HSDL1: variants seen among roughly 807,000 people sequenced by gnomAD.
HSDL1 encodes the protein inactive hydroxysteroid dehydrogenase-like protein 1.
HSDL1 carries 29 observed loss-of-function variants against 31.5 expected under a neutral mutation model. The observed-to-expected ratio is 0.92, with a 90% CI of 0.69 to 1.26. HSDL1 has a LOEUF of 1.26. Among genes scored for constraint, HSDL1 ranks in the 50% most tolerant of loss-of-function variants. The pLI is 0.00. For synonymous variants in HSDL1, 222 were observed against 155.2 expected, an observed-to-expected ratio of 1.43 and a Z score of -3.20; for missense variants, 503 against 416.6, an observed-to-expected ratio of 1.21 and a Z score of -1.81.
chr16:84,127,203 T>TTTC (rs1236946403), intron 5 of HSDL1, among the ~76,000 whole-genome samples: 3 of 142,952 alleles, frequency 2.1e-5, no homozygotes, highest in East Asian at 2.0e-4. Context: ...AATAAAACTG[T>TTTC]TTCTTCTTTT....
chr16:84,132,050 A>C (rs969967333), intron 2 of HSDL1, among the ~76,000 whole-genome samples: 3 of 152,238 alleles, frequency 2.0e-5, no homozygotes, highest in African/African-American at 7.2e-5. Context: ...CAAGGAGACT[A>C]ATCAACATAA....
At position 84,123,392 on chromosome 16, in the gene HSDL1, C is replaced by T. The variant is rs1423873997; in HGVS notation, c.*1238G>A. On this transcript the variant is annotated 3_prime_UTR_variant, in exon 6 of 6. Transcript: ENST00000219439. ...ACATATTGTCATATTCATATAGTGACTTAGAGTTTTCAAAGCACTAGGTAC... is the reference window on the plus strand; with the variant it reads ...ACATATTGTCATATTCATATAGTGATTTAGAGTTTTCAAAGCACTAGGTAC... The T allele has an allele frequency of 6.6e-6, 1 of 152,166 alleles. No homozygotes were observed. The highest frequency in any genetic ancestry group is 1.5e-5 in the Non-Finnish European group (1 of 68,036). 9.4% of individuals were successfully genotyped at this position (152,166 alleles called of 1,614,324 possible).
At position 84,124,472 on chromosome 16, in the gene HSDL1, C is replaced by G; in HGVS notation, c.*158G>C. The G allele has an allele frequency of 1.7e-6, 1 of 577,370 alleles. No homozygotes were observed. The highest frequency in any genetic ancestry group is 3.2e-6 in the Non-Finnish European group (1 of 311,502). The allele number at this position is 577,370 out of a possible 1,614,324, so 35.8% of individuals were successfully genotyped here. A position where few individuals can be genotyped will look rare whatever the true frequency, so the allele number is the denominator to read the frequency against. On this transcript the variant is annotated 3_prime_UTR_variant, in exon 6 of 6. Transcript: ENST00000219439. ...CACACACCCTTAAGGTTTTTCACAG[C>G]ACTCTGACGGTATTATGTGTGTTTT... is the stretch of plus-strand genomic sequence containing the variant.
At chr16:84,134,277 C>G (rs145859059) in intron 2 of HSDL1, among the ~76,000 whole-genome samples, 70 of 152,144 alleles carry the variant, frequency 4.6e-4, no homozygotes, top group African/African-American at 1.7e-3. Context: ...GTCATAAGTA[C>G]TGGACTCCCA....
At position 84,129,730 on chromosome 16, in the gene HSDL1, A is replaced by G; in HGVS notation, c.712T>C (p.Ser238Pro). The G allele has an allele frequency of 6.2e-7, 1 of 1,614,234 alleles. No individual in the cohort carries two copies. Among genetic ancestry groups the G allele is most frequent in the Non-Finnish European group, 8.5e-7 (1 of 1,180,034 alleles). The stretch of plus-strand genomic sequence containing the variant: ...AGACTCTGTACAAAGATTCCTTTAG[A>G]GGCATATTCATATTGCAAGGCTCTG... ...FSRALQYEYA[S>P]KGIFVQSLIP... Residue 238 changes from serine to proline, a missense_variant, in exon 5 of 6, where the codon TCT (serine) becomes CCT (proline). By Grantham distance (74) the Ser-to-Pro change is moderately conservative. Coordinates refer to ENST00000219439, the MANE Select transcript of HSDL1 (RefSeq NM_031463.5).
At position 84,124,111 on chromosome 16, in the gene HSDL1, A is replaced by G. The variant is rs2086579785; in HGVS notation, c.*519T>C. 6.5e-6 allele frequency: 1 copy of G among 153,864 alleles called. No homozygotes were observed. The highest frequency in any genetic ancestry group is 2.4e-5 in the African/African-American group (1 of 41,476). The allele number at this position is 153,864 out of a possible 1,614,324, so 9.5% of individuals were successfully genotyped here. On this transcript the variant is annotated 3_prime_UTR_variant, in exon 6 of 6. Coordinates refer to ENST00000219439, the MANE Select transcript of HSDL1 (RefSeq NM_031463.5). ...TCTAATGAAATACCAGTTGAAGTGC[A>G]GCATTTTCATTACAGATAGTCAAAC...
chr16:84,135,187 C>T (rs576743933), intron 2 of HSDL1, among the ~76,000 whole-genome samples: 6 of 150,622 alleles, frequency 4.0e-5, no homozygotes, highest in Admixed American at 2.6e-4. Flanking sequence ...GAGCCAAGAT[C>T]GCGCCACTGC....
intron 1 of HSDL1, among the ~76,000 whole-genome samples, chr16:84,144,783 G>T (rs111609114): frequency 0.16 from 23,301 of 148,344 alleles, 2,000 homozygotes; most frequent in East Asian, 0.31. Flanking sequence ...CAGCGCCGCG[G>T]CGGGGGGCGT....
chr16:84,132,754 C>A (rs2086680226), intron 2 of HSDL1, among the ~76,000 whole-genome samples: 1 of 152,226 alleles, frequency 6.6e-6, no homozygotes, highest in African/African-American at 2.4e-5. Flanking sequence ...TGGCCACAGA[C>A]CGAGTGAGTG....
At chr16:84,135,254 A>T (rs12934001) in intron 2 of HSDL1, among the ~76,000 whole-genome samples, 22,099 of 152,014 alleles carry the variant, frequency 0.15, 1,967 homozygotes, top group Non-Finnish European at 0.2. Context: ...AAGAAAAAAA[A>T]AAAAAGAAAG....
intron 2 of HSDL1, among the ~76,000 whole-genome samples, chr16:84,132,827 G>A (rs1201451161): frequency 6.6e-6 from 1 of 151,886 alleles, no homozygotes; most frequent in Admixed American, 6.6e-5. Flanking sequence ...CAAAACAACT[G>A]CAATAGACTA....
At position 84,130,317 on chromosome 16, in the gene HSDL1, G is replaced by A; in HGVS notation, c.335C>T (p.Ala112Val). The A allele has an allele frequency of 1.2e-6, 2 of 1,614,200 alleles. No homozygotes were observed. Among genetic ancestry groups the A allele is most frequent in the Non-Finnish European group, 1.7e-6 (2 of 1,180,034 alleles). Residue 112 changes from alanine to valine, a missense_variant, in exon 4 of 6, where the codon GCC becomes GTC. Physicochemically the swap from Ala to Val is moderately conservative, Grantham distance 64. Coordinates refer to ENST00000219439, the MANE Select transcript of HSDL1 (RefSeq NM_031463.5). ...ATCAGTTTCCACTTTGTACGTGTCG[G>A]CTATGTCTTTAGCAACAACCTGCAA... ...EKLQVVAKDIADTYKVETDII... is the reference protein window; with the variant it reads ...EKLQVVAKDIVDTYKVETDII...
At chr16:84,133,269 C>T (rs572968208) in intron 2 of HSDL1, among the ~76,000 whole-genome samples, 18 of 152,116 alleles carry the variant, frequency 1.2e-4, no homozygotes, top group African/African-American at 2.2e-4. Flanking sequence ...ATCAACAAAA[C>T]GTACACAAGA....
intron 5 of HSDL1, among the ~76,000 whole-genome samples, chr16:84,127,773 C>T (rs2086623707): frequency 6.9e-6 from 1 of 144,888 alleles, no homozygotes; most frequent in Admixed American, 6.9e-5. Context: ...GGCTGGAGTG[C>T]AGTGGTGTGA....
chr16:84,134,312 C>A lies in HSDL1; in HGVS notation c.-7+1232G>T, dbSNP rs547904923. On this transcript the variant is annotated intron_variant, in intron 2 of 5. Transcript: ENST00000219439. The stretch of plus-strand genomic sequence containing the variant: ...AAAGACAGGCCCAAAACATTAATAT[C>A]CTATAAGAACATTAAAAACTGACAT... Among the ~76,000 whole-genome samples, 24 of 152,220 alleles carry A rather than the reference C, an allele frequency of 1.6e-4. No individual in the cohort carries two copies. In the South Asian group the frequency reaches 5.0e-3, roughly 32 times the overall value.
intron 5 of HSDL1, among the ~76,000 whole-genome samples, chr16:84,128,836 T>C (rs938079881): frequency 9.2e-5 from 14 of 151,978 alleles, no homozygotes; most frequent in African/African-American, 2.9e-4. Context: ...GCCTCCCAAG[T>C]AGCTGGGACT....
Position 84,123,378 on chromosome 16 carries a change from T to C in HSDL1, c.*1252A>G, listed in dbSNP as rs566190228. 7.2e-5 allele frequency: 11 copies of C among 152,352 alleles called. No individual in the cohort carries two copies. In the East Asian group the frequency reaches 1.9e-3, roughly 27 times the overall value. The allele number at this position is 152,352 out of a possible 1,614,324, so 9.4% of individuals were successfully genotyped here. Reference sequence around the variant, plus strand: ...AATTTTAAATGTGCACATATTGTCATATTCATATAGTGACTTAGAGTTTTC... The same window carrying C: ...AATTTTAAATGTGCACATATTGTCACATTCATATAGTGACTTAGAGTTTTC... On this transcript the variant is annotated 3_prime_UTR_variant, in exon 6 of 6. Transcript: ENST00000219439.
At chr16:84,125,686 A>G (rs2086599343) in intron 5 of HSDL1, among the ~76,000 whole-genome samples, 1 of 152,270 alleles carries the variant, frequency 6.6e-6, no homozygotes, top group African/African-American at 2.4e-5. Context: ...TAGATTCTAC[A>G]TGGAACAGAA....
chr16:84,130,950 A>G (rs1040791655), intron 3 of HSDL1, 152 bp downstream of exon 3: 1 of 669,438 alleles, frequency 1.5e-6, no homozygotes, highest in Admixed American at 2.8e-5. Flanking sequence ...GAGCAGTAAG[A>G]AAATGAAATG....
Sources: gnomAD v4.1 joint callset for allele counts (sites outside exome capture counted in the v4.1 genomes callset) on GRCh38, gnomAD v4.1.1 for gene constraint, MANE v1.5 for transcripts, NCBI Gene and HGNC (gene_info 2026-07-23, HGNC 2026-07-21) for gene names.